Variants in LOC400499 observed in about 807,000 individuals in gnomAD.
the LOC400499 span, chr16:11,401,307 T>A: frequency 2.5e-6 from 1 of 399,082 alleles, no homozygotes; most frequent in Non-Finnish European, 4.4e-6. Context: ...GCAAGGCCAC[T>A]GGCCTCGGCT....
At chr16:11,456,892 C>G in the LOC400499 span, 4 of 1,536,208 alleles carry the variant, frequency 2.6e-6, no homozygotes, top group Non-Finnish European at 3.5e-6. Context: ...CGAGATGTGT[C>G]CTTCCACTGC....
the LOC400499 span, chr16:11,442,515 G>T: frequency 1.3e-5 from 2 of 152,264 alleles, no homozygotes; most frequent in South Asian, 4.1e-4. Flanking sequence ...GAGCCATCTC[G>T]CCCAGCCTAG....
chr16:11,477,274 G>T, the LOC400499 span, among the ~76,000 whole-genome samples: 2 of 152,214 alleles, frequency 1.3e-5, no homozygotes, highest in African/African-American at 4.8e-5. Flanking sequence ...CCAGCCTAGG[G>T]CATCTGCATT....
chr16:11,491,829 C>T, the LOC400499 span: 18 of 398,910 alleles, frequency 4.5e-5, no homozygotes, highest in South Asian at 2.5e-4. Context: ...TTGGTATAGA[C>T]GGGAGAGCAC....
the LOC400499 span, among the ~76,000 whole-genome samples, chr16:11,522,862 T>C: frequency 2.0e-5 from 3 of 152,082 alleles, no homozygotes; most frequent in African/African-American, 7.2e-5. Context: ...GAGTAACTGC[T>C]CTGGGGAAGA....
the LOC400499 span, chr16:11,456,771 G>A: frequency 1.4e-6 from 2 of 1,441,088 alleles, no homozygotes; most frequent in East Asian, 2.5e-5. Flanking sequence ...AGGAAAAGGT[G>A]TTCCAGGAAG....
At chr16:11,525,251 G>A in the LOC400499 span, among the ~76,000 whole-genome samples, 6 of 149,354 alleles carry the variant, frequency 4.0e-5, no homozygotes, top group African/African-American at 1.2e-4. Context: ...TGCCTGGTGC[G>A]ATCGTATTCC....
At chr16:11,501,002 G>C in the LOC400499 span, 1 of 399,016 alleles carries the variant, frequency 2.5e-6, no homozygotes, top group East Asian at 3.6e-5. Context: ...CACGTGCTGA[G>C]CGCCTGCAAA....
the LOC400499 span, chr16:11,396,425 AGTTGGGGGCCT>A: frequency 8.4e-7 from 1 of 1,188,700 alleles, no homozygotes; most frequent in Non-Finnish European, 1.1e-6. Context: ...CCGCCCAGGC[AGTTGGGGGCCT>A]GCTGGCCAGG....
At chr16:11,514,983 G>C in the LOC400499 span, among the ~76,000 whole-genome samples, 1 of 152,154 alleles carries the variant, frequency 6.6e-6, no homozygotes, top group Non-Finnish European at 1.5e-5. Flanking sequence ...CAGGGAGCTA[G>C]AGACAGAGGC....
chr16:11,451,722 AG>A, the LOC400499 span, among the ~76,000 whole-genome samples: 1 of 152,232 alleles, frequency 6.6e-6, no homozygotes, highest in African/African-American at 2.4e-5. Flanking sequence ...ATGACAGACA[AG>A]GGGGAGTTGA....
At chr16:11,492,043 T>C in the LOC400499 span, among the ~76,000 whole-genome samples, 1 of 152,068 alleles carries the variant, frequency 6.6e-6, no homozygotes, top group Non-Finnish European at 1.5e-5. Context: ...CCTTGCCTAA[T>C]TCCCAGTCTC....
chr16:11,505,670 A>T, the LOC400499 span, among the ~76,000 whole-genome samples: 3 of 150,252 alleles, frequency 2.0e-5, no homozygotes, highest in South Asian at 2.1e-4. Flanking sequence ...CTGGTCTCAA[A>T]CCCCTGGGGT....
chr16:11,460,922 GC>G, the LOC400499 span: 1 of 1,493,224 alleles, frequency 6.7e-7, no homozygotes, highest in Non-Finnish European at 8.9e-7. Context: ...GGCAGGCCCT[GC>G]CACCTCCACC....
the LOC400499 span, among the ~76,000 whole-genome samples, chr16:11,438,102 C>T: frequency 4.6e-5 from 7 of 152,156 alleles, no homozygotes; most frequent in South Asian, 1.0e-3. Flanking sequence ...AACGGTGCTC[C>T]ATGCCCCCCC....
the LOC400499 span, among the ~76,000 whole-genome samples, chr16:11,394,286 A>G: frequency 1.3e-5 from 2 of 152,222 alleles, no homozygotes; most frequent in Admixed American, 1.3e-4. Flanking sequence ...AGGCGAGTCT[A>G]GAATGGGGTG....
At chr16:11,429,183 C>T in the LOC400499 span, among the ~76,000 whole-genome samples, 1 of 152,040 alleles carries the variant, frequency 6.6e-6, no homozygotes, top group African/African-American at 2.4e-5. Context: ...GGCCTGGGAG[C>T]GGATTTCTTA....
chr16:11,476,770 C>G, the LOC400499 span: 31 of 399,488 alleles, frequency 7.8e-5, no homozygotes, highest in African/African-American at 5.7e-4. Flanking sequence ...CCACCTGAAG[C>G]TGAGCAGCTC....
the LOC400499 span, among the ~76,000 whole-genome samples, chr16:11,518,460 A>G: frequency 6.6e-6 from 1 of 151,768 alleles, no homozygotes; most frequent in African/African-American, 2.4e-5. Context: ...AGAGTCGGGG[A>G]GGGGAAAAGG....
Sources: gnomAD v4.1 joint callset for allele counts (sites outside exome capture counted in the v4.1 genomes callset) on GRCh38, gnomAD v4.1.1 for gene constraint, MANE v1.5 for transcripts.